DNAH14: variants seen among roughly 807,000 people sequenced by gnomAD.
DNAH14 encodes the protein axonemal beta dynein heavy chain 14.
A neutral mutation model predicts 520.9 loss-of-function variants in DNAH14; 478 were observed. That is an observed-to-expected ratio of 0.92 (90% CI 0.85 to 0.99). The LOEUF is 0.99. Among genes scored for constraint, DNAH14 ranks in the 50% least tolerant of loss-of-function variants. The pLI, the probability that DNAH14 is intolerant of heterozygous loss-of-function variation, is 0.00. For missense variants in DNAH14, 4,831 were observed against 5,234.5 expected (o/e 0.92, Z 2.38); for synonymous variants, 1,581 against 1,757.2 (o/e 0.90, Z 2.51).
chr1:225,249,275 G>A (rs1447490241), intron 43 of DNAH14, among the ~76,000 whole-genome samples: 1 of 152,170 alleles, frequency 6.6e-6, no homozygotes, highest in African/African-American at 2.4e-5. Flanking sequence ...GGTGGGTGAT[G>A]GTGGACTATA....
intron 65 of DNAH14, among the ~76,000 whole-genome samples, chr1:225,332,452 G>A (rs544986184): frequency 7.9e-5 from 12 of 152,088 alleles, no homozygotes; most frequent in African/African-American, 2.4e-4. Context: ...AAGCACATAC[G>A]TGATCAAAGA....
intron 41 of DNAH14, among the ~76,000 whole-genome samples, chr1:225,223,236 A>G (rs571920362): frequency 1.3e-5 from 2 of 152,200 alleles, no homozygotes; most frequent in African/African-American, 2.4e-5. Context: ...AATCAGGTAT[A>G]CAAACCCATT....
chr1:225,031,481 T>G (rs2066518824), intron 11 of DNAH14, among the ~76,000 whole-genome samples: 1 of 116,008 alleles, frequency 8.6e-6, no homozygotes, highest in African/African-American at 2.9e-5. Context: ...GTAAAATATT[T>G]CCTGTCTGGC....
At chr1:224,956,929 T>C (rs1356049821) in intron 3 of DNAH14, among the ~76,000 whole-genome samples, 1 of 152,090 alleles carries the variant, frequency 6.6e-6, no homozygotes, top group Non-Finnish European at 1.5e-5. Flanking sequence ...GAAAGAAATA[T>C]AAGGCTAGAT....
chr1:225,145,441 T>C, intron 30 of DNAH14, 62 bp downstream of exon 30: 1 of 1,273,010 alleles, frequency 7.9e-7, no homozygotes, highest in South Asian at 1.7e-5. Context: ...AAACAATTCA[T>C]TGAAGAATAA....
chr1:225,178,394 A>G (rs558726962), intron 36 of DNAH14, among the ~76,000 whole-genome samples: 2 of 152,238 alleles, frequency 1.3e-5, no homozygotes, highest in South Asian at 2.1e-4. Context: ...CCTCTGATAA[A>G]CCCATCAGAT....
At chr1:224,958,748 G>A (rs866591045) in intron 3 of DNAH14, among the ~76,000 whole-genome samples, 8 of 152,088 alleles carry the variant, frequency 5.3e-5, no homozygotes, top group African/African-American at 1.9e-4. Flanking sequence ...GGAGAGCACA[G>A]CTTTAGACAG....
chr1:225,343,303 C>T (rs1404108781), intron 69 of DNAH14, among the ~76,000 whole-genome samples: 1 of 152,118 alleles, frequency 6.6e-6, no homozygotes, highest in Non-Finnish European at 1.5e-5. Flanking sequence ...AAAGAACTTA[C>T]GTTTTTATGG....
rs1159140781 is a variant in DNAH14 at position 225,265,348 on chromosome 1, T to C, written c.7389T>C (p.Leu2463=). 6.5e-7 allele frequency: 1 copy of C among 1,535,704 alleles called. No individual in the cohort carries two copies. The highest frequency in any genetic ancestry group is 2.5e-5 in the East Asian group (1 of 40,616). ...TAATAAGAAGAACTAAAGATACTCT[T>C]GGAGCACCAAAAAACAACCGGGTAA... is the stretch of plus-strand genomic sequence containing the variant. ...KKLIRRTKDT[L]GAPKNNRILI... Residue 2463 remains leucine, a synonymous_variant, in exon 48 of 86, where the codon CTT becomes CTC. Coordinates refer to ENST00000682510, the MANE Select transcript of DNAH14 (RefSeq NM_001367479.1).
At chr1:225,136,024 C>G (rs568599276) in intron 27 of DNAH14, among the ~76,000 whole-genome samples, 2 of 152,020 alleles carry the variant, frequency 1.3e-5, no homozygotes, top group Non-Finnish European at 2.9e-5. Flanking sequence ...TCCCTTATCC[C>G]TTTATTTTGA....
At chr1:224,946,854 A>G (rs1571963632) in intron 1 of DNAH14, among the ~76,000 whole-genome samples, 1 of 130,118 alleles carries the variant, frequency 7.7e-6, no homozygotes, top group Admixed American at 7.7e-5. Context: ...TTTTTTTCCT[A>G]GCTGGATTAT....
At chr1:225,053,378 A>G (rs1447218942) in intron 17 of DNAH14, among the ~76,000 whole-genome samples, 2 of 152,186 alleles carry the variant, frequency 1.3e-5, no homozygotes, top group African/African-American at 2.4e-5. Flanking sequence ...AAGCTAAGAA[A>G]TGGAGAAAAG....
chr1:224,997,831 G>T (rs2063495551), intron 8 of DNAH14, among the ~76,000 whole-genome samples: 1 of 151,966 alleles, frequency 6.6e-6, no homozygotes, highest in Non-Finnish European at 1.5e-5. Flanking sequence ...CCTTTGTAGG[G>T]ACATGGATGA....
At position 225,377,346 on chromosome 1, in the gene DNAH14, T is replaced by C; in HGVS notation, c.12626T>C (p.Ile4209Thr). 6.4e-7 allele frequency: 1 copy of C among 1,550,990 alleles called. No homozygotes were observed. Among genetic ancestry groups the C allele is most frequent in the South Asian group, 1.2e-5 (1 of 83,870 alleles). ...PEVLGIHPEA[I>T]RSCWETQGEK... is the part of the protein sequence containing the mutation. The stretch of plus-strand genomic sequence containing the variant: ...GTCTTAGGAATACACCCAGAGGCCA[T>C]CAGGAGCTGCTGGGAGACCCAGGGC... The change falls in exon 79 of 86, where the codon ATC (isoleucine) becomes ACC (threonine). Residue 4209 changes from isoleucine (I) to threonine (T), a missense_variant. Ile to Thr is a moderately conservative substitution (Grantham distance 89). Transcript: ENST00000682510.
intron 23 of DNAH14, among the ~76,000 whole-genome samples, chr1:225,104,233 G>A (rs2075805355): frequency 1.3e-5 from 2 of 152,164 alleles, no homozygotes; most frequent in South Asian, 2.1e-4. Context: ...CAGGGATGAA[G>A]CCCACTTGAT....
At chr1:225,197,827 A>G (rs2086352472) in intron 38 of DNAH14, among the ~76,000 whole-genome samples, 2 of 152,006 alleles carry the variant, frequency 1.3e-5, no homozygotes, top group Admixed American at 1.3e-4. Flanking sequence ...TCTTGATTTG[A>G]TTCTCAGCTT....
At chr1:225,337,984 G>A in intron 67 of DNAH14, 77 bp from the exon 68 acceptor site, 1 of 1,409,284 alleles carries the variant, frequency 7.1e-7, no homozygotes, top group Non-Finnish European at 9.4e-7. Flanking sequence ...ACCTTTAAAT[G>A]TTTTATTGCT....
At position 225,128,107 on chromosome 1, in the gene DNAH14, G is replaced by A. The variant is rs140278801; in HGVS notation, c.4254+4493G>A. 6.0e-3 allele frequency among the ~76,000 whole-genome samples: 916 copies of A among 152,166 alleles called. 2 individuals carry two copies. The highest frequency in any genetic ancestry group is 0.02 in the African/African-American group (848 of 41,492). The stretch of plus-strand genomic sequence containing the variant: ...TTAGTCTAATGGGCTTCCCTTTGTG[G>A]GTAACCCGACCGTTCTCTCTGGCTG... On this transcript the variant is annotated intron_variant, in intron 27 of 85. Transcript: ENST00000682510.
chr1:224,995,342 T>C (rs2063323922), intron 8 of DNAH14, among the ~76,000 whole-genome samples: 1 of 152,164 alleles, frequency 6.6e-6, no homozygotes, highest in Non-Finnish European at 1.5e-5. Flanking sequence ...TTGTTTTTTT[T>C]TCCCCCTTAG....
Sources: allele counts gnomAD v4.1 joint callset (sites outside exome capture counted in the v4.1 genomes callset), GRCh38; gene constraint gnomAD v4.1.1; transcripts MANE v1.5; gene names NCBI Gene and HGNC (gene_info 2026-07-23, HGNC 2026-07-21).